Variants in JARID2 observed in about 807,000 individuals in gnomAD.
JARID2 encodes the protein jumonji and AT-rich interaction domain containing 2, also known as protein Jumonji.
In JARID2, 21 loss-of-function variants were observed where a neutral mutation model predicts 125.6. The observed-to-expected ratio is 0.17, with a 90% confidence interval of 0.12 to 0.24. The LOEUF is 0.24. Among genes scored for constraint, JARID2 ranks in the 10% least tolerant of loss-of-function variants. JARID2 has a pLI of 1.00. For synonymous variants in JARID2, 736 were observed against 661.6 expected (o/e 1.11, Z -1.73); for missense variants, 1,303 against 1,639.6 (o/e 0.79, Z 3.55).
intron 1 of JARID2, among the ~76,000 whole-genome samples, chr6:15,273,689 G>A (rs959149554): frequency 5.3e-5 from 8 of 152,264 alleles, no homozygotes; most frequent in African/African-American, 1.2e-4. Flanking sequence ...CAACAAGAGC[G>A]AAACTCTGTC....
intron 1 of JARID2, among the ~76,000 whole-genome samples, chr6:15,331,468 C>T (rs1484744147): frequency 2.0e-5 from 3 of 152,094 alleles, no homozygotes; most frequent in African/African-American, 7.2e-5. Context: ...AGAAATACCC[C>T]AGACTGAATG....
intron 2 of JARID2, among the ~76,000 whole-genome samples, chr6:15,388,999 C>T (rs941010010): frequency 1.1e-4 from 17 of 152,082 alleles, no homozygotes; most frequent in African/African-American, 2.2e-4. Context: ...ATCTTGGTGA[C>T]GGGGAAGGCC....
At chr6:15,387,247 C>T (rs531090769) in intron 2 of JARID2, among the ~76,000 whole-genome samples, 1 of 152,296 alleles carries the variant, frequency 6.6e-6, no homozygotes, top group Non-Finnish European at 1.5e-5. Context: ...GTGCGTGTGC[C>T]TGTGGTGGGA....
chr6:15,335,316 T>C (rs984228539), intron 1 of JARID2, among the ~76,000 whole-genome samples: 11 of 151,356 alleles, frequency 7.3e-5, no homozygotes, highest in Admixed American at 2.6e-4. Flanking sequence ...GCCAGGCTGG[T>C]CTTGAACTCC....
chr6:15,396,748 G>C (rs1378688806), intron 2 of JARID2, among the ~76,000 whole-genome samples: 1 of 152,144 alleles, frequency 6.6e-6, no homozygotes, highest in Admixed American at 6.5e-5. Context: ...TCAGACCTTG[G>C]TTGACCATGG....
intron 1 of JARID2, among the ~76,000 whole-genome samples, chr6:15,348,111 A>G (rs1224759855): frequency 6.8e-6 from 1 of 146,758 alleles, no homozygotes; most frequent in Non-Finnish European, 1.5e-5. Flanking sequence ...TTTTTTTTTG[A>G]GATGGAGTCT....
At chr6:15,353,591 G>T (rs1763501378) in intron 1 of JARID2, among the ~76,000 whole-genome samples, 1 of 152,102 alleles carries the variant, frequency 6.6e-6, no homozygotes, top group African/African-American at 2.4e-5. Flanking sequence ...GTAATAAGCT[G>T]CTGGCTCAGA....
At chr6:15,323,844 C>G (rs570811580) in intron 1 of JARID2, among the ~76,000 whole-genome samples, 1 of 151,282 alleles carries the variant, frequency 6.6e-6, no homozygotes, top group Non-Finnish European at 1.5e-5. Context: ...GTGAGCTGAT[C>G]GCGCCACTGT....
intron 2 of JARID2, among the ~76,000 whole-genome samples, chr6:15,381,956 A>T (rs1023459614): frequency 6.6e-6 from 1 of 152,252 alleles, no homozygotes; most frequent in Non-Finnish European, 1.5e-5. Context: ...AAAATCTGTG[A>T]AGCAGGATAA....
chr6:15,504,616 T>G, intron 9 of JARID2, 24 bp downstream of exon 9: 1 of 1,501,086 alleles, frequency 6.7e-7, no homozygotes, highest in Non-Finnish European at 9.3e-7. Context: ...CCCCTCACGC[T>G]GCCTCTCATG....
chr6:15,262,925 C>T (rs887648397), intron 1 of JARID2, among the ~76,000 whole-genome samples: 5 of 152,074 alleles, frequency 3.3e-5, no homozygotes, highest in Non-Finnish European at 5.9e-5. Context: ...GTTAGAAAAG[C>T]GTGCTTATAC....
intron 1 of JARID2, among the ~76,000 whole-genome samples, chr6:15,350,037 C>T (rs940456717): frequency 6.6e-6 from 1 of 152,052 alleles, no homozygotes; most frequent in Non-Finnish European, 1.5e-5. Context: ...AGTAGCTGGG[C>T]CCACCATGTC....
At chr6:15,283,987 G>A (rs1409182799) in intron 1 of JARID2, among the ~76,000 whole-genome samples, 4 of 152,186 alleles carry the variant, frequency 2.6e-5, no homozygotes, top group Non-Finnish European at 5.9e-5. Flanking sequence ...GATTACAGGC[G>A]TGAGCCACTG....
chr6:15,377,535 G>C (rs1764402015), intron 2 of JARID2, among the ~76,000 whole-genome samples: 1 of 152,076 alleles, frequency 6.6e-6, no homozygotes, highest in African/African-American at 2.4e-5. Flanking sequence ...GCATGATCTT[G>C]GCTCACTGCA....
intron 4 of JARID2, among the ~76,000 whole-genome samples, chr6:15,458,114 A>G (rs1447097045): frequency 6.6e-6 from 1 of 152,212 alleles, no homozygotes; most frequent in East Asian, 1.9e-4. Flanking sequence ...CGCTTGCTGC[A>G]TGCAGTGATT....
At chr6:15,367,927 T>G (rs562005455) in intron 1 of JARID2, among the ~76,000 whole-genome samples, 31 of 152,318 alleles carry the variant, frequency 2.0e-4, no homozygotes, top group African/African-American at 7.5e-4. Context: ...TGTCTCTGTT[T>G]TCTTGCACTA....
intron 16 of JARID2, among the ~76,000 whole-genome samples, chr6:15,513,670 T>C (rs554312118): frequency 2.0e-4 from 31 of 152,326 alleles, no homozygotes; most frequent in Admixed American, 6.5e-4. Context: ...GGTCCTGCAG[T>C]GCGTCCTTCC....
intron 2 of JARID2, among the ~76,000 whole-genome samples, chr6:15,394,866 A>G (rs910595762): frequency 6.6e-6 from 1 of 152,100 alleles, no homozygotes; most frequent in South Asian, 2.1e-4. Context: ...CAGCGGCTTC[A>G]TGCAGTAATT....
chr6:15,417,850 G>A (rs943250115), intron 3 of JARID2, among the ~76,000 whole-genome samples: 10 of 152,230 alleles, frequency 6.6e-5, no homozygotes, highest in African/African-American at 2.4e-4. Context: ...CACATGAATT[G>A]CTACATGTGA....
Sources: allele counts gnomAD v4.1 joint callset (sites outside exome capture counted in the v4.1 genomes callset), GRCh38; gene constraint gnomAD v4.1.1; transcripts MANE v1.5; gene names NCBI Gene and HGNC (gene_info 2026-07-23, HGNC 2026-07-21).